Variants in PKP2 observed in about 807,000 individuals in gnomAD.
The protein encoded by PKP2 is plakophilin 2.
PKP2 carries 73 observed loss-of-function variants against 83.4 expected under a neutral mutation model. The ratio of observed to expected loss-of-function variants is 0.88; its 90% confidence interval spans 0.72 to 1.06. The LOEUF (loss-of-function observed/expected upper bound fraction) is 1.06. Among genes scored for constraint, PKP2 ranks in the 50% least tolerant of loss-of-function variants. The probability of loss-of-function intolerance (pLI) is 0.00; values close to 1 mark genes in which losing one functional copy is unlikely to be tolerated. For missense variants in PKP2, 966 were observed against 1,065.4 expected (o/e 0.91, Z 1.30); for synonymous variants, 409 against 430.4 (o/e 0.95, Z 0.62).
At chr12:32,792,581 GTCAAGTGGGCCATTATTACC>G (rs1956079572) in intron 12 of PKP2, 43 bp downstream of exon 12, 31 of 1,550,466 alleles carry the variant, frequency 2.0e-5, no homozygotes, top group Middle Eastern at 3.3e-4. Flanking sequence ...CCAGGGTCAA[GTCAAGTGGGCCATTATTACC>G]TGGCTCTGTT....
At chr12:32,811,784 T>C (rs1956279158) in intron 9 of PKP2, among the ~76,000 whole-genome samples, 1 of 152,236 alleles carries the variant, frequency 6.6e-6, no homozygotes, top group Admixed American at 6.5e-5. Context: ...TATACTCCTG[T>C]CCAGTTTCTC....
chr12:32,829,939 G>A (rs1956483066), intron 6 of PKP2, among the ~76,000 whole-genome samples: 1 of 152,144 alleles, frequency 6.6e-6, no homozygotes, highest in Non-Finnish European at 1.5e-5. Flanking sequence ...GGGATTACAG[G>A]CGTAAACCAC....
In PKP2 at chr12:32,791,822, A is replaced by T. The variant is rs1196117042; in HGVS notation, c.*602T>A. The T allele has an allele frequency of 1.3e-5, 2 of 156,938 alleles. No individual in the cohort carries two copies. The highest frequency in any genetic ancestry group is 1.2e-4 in the Admixed American group (2 of 16,438). 9.7% of individuals were successfully genotyped at this position (156,938 alleles called of 1,614,324 possible). ...ATTTCTTTTTCTTACAGTCATGCAT[A>T]CTCTGTAATCTAAATTTCTTAAGTT... On this transcript the variant is annotated 3_prime_UTR_variant, in exon 13 of 13. Transcript: ENST00000340811.
chr12:32,850,712 G>T, intron 5 of PKP2, 54 bp downstream of exon 5: 1 of 1,309,350 alleles, frequency 7.6e-7, no homozygotes, highest in Non-Finnish European at 1.1e-6. Flanking sequence ...ATGATGTAAG[G>T]CATCTGGCTG....
intron 4 of PKP2, among the ~76,000 whole-genome samples, chr12:32,863,589 C>G (rs1053265627): frequency 1.3e-5 from 2 of 152,234 alleles, no homozygotes; most frequent in African/African-American, 4.8e-5. Context: ...TGAAAGACTC[C>G]CTTGAAAGAC....
At chr12:32,874,960 G>A (rs563532461) in intron 3 of PKP2, among the ~76,000 whole-genome samples, 2 of 151,992 alleles carry the variant, frequency 1.3e-5, no homozygotes, top group African/African-American at 4.8e-5. Context: ...TTTTGCCCAA[G>A]CTGGTCTCAA....
At position 32,843,261 on chromosome 12, in the gene PKP2, G is replaced by A. The variant is rs749052785; in HGVS notation, c.1379-2056C>T. The A allele has an allele frequency of 3.2e-5, 40 of 1,266,038 alleles. 1 individual carries two copies. The highest frequency in any genetic ancestry group is 4.6e-5 in the East Asian group (1 of 21,522). 78.4% of individuals were successfully genotyped at this position (1,266,038 alleles called of 1,614,324 possible). A position where few individuals can be genotyped will look rare whatever the true frequency, so the allele number is the denominator to read the frequency against. On this transcript the variant is annotated intron_variant, in intron 5 of 12. Transcript: ENST00000340811. ...CTCCCAAAGTGCTGGGATTACAGGC[G>A]TGAGCCACCGCGCCCGGCCAGCCAT...
At chr12:32,805,999 T>A (rs892067447) in intron 9 of PKP2, among the ~76,000 whole-genome samples, 2 of 152,224 alleles carry the variant, frequency 1.3e-5, no homozygotes, top group Non-Finnish European at 2.9e-5. Flanking sequence ...GTTCTGTTTA[T>A]GTGATGAATC....
chr12:32,870,701 G>C (rs1433825314), intron 3 of PKP2, among the ~76,000 whole-genome samples: 2 of 152,228 alleles, frequency 1.3e-5, no homozygotes, highest in East Asian at 1.9e-4. Flanking sequence ...CAATGGCAAA[G>C]TCTTTGCCAG....
chr12:32,846,745 C>CAAAAAAAAAAAAAAAAAAAAAAAA lies in PKP2; in HGVS notation c.1378+4020_1378+4021insTTTTTTTTTTTTTTTTTTTTTTTT, dbSNP rs574053559. Among the ~76,000 whole-genome samples the CAAAAAAAAAAAAAAAAAAAAAAAA allele has an allele frequency of 3.0e-3, 223 of 74,782 alleles. 6 individuals are homozygous for CAAAAAAAAAAAAAAAAAAAAAAAA. Among genetic ancestry groups the CAAAAAAAAAAAAAAAAAAAAAAAA allele is most frequent in the African/African-American group, 4.5e-3 (80 of 17,692 alleles). 49.1% of individuals were successfully genotyped at this position (74,782 alleles called of 152,430 possible). On this transcript the variant is annotated intron_variant, in intron 5 of 12. Transcript: ENST00000340811. ...GGGTAACAAGAATGAAACTTCTTCT[C>CAAAAAAAAAAAAAAAAAAAAAAAA]AAAAAAAAAAAAAAAAAAGAAGAGA...
chr12:32,819,887 C>A (rs199849152), intron 9 of PKP2, among the ~76,000 whole-genome samples: 6 of 4,556 alleles, frequency 1.3e-3, no homozygotes, highest in Non-Finnish European at 4.2e-3. Flanking sequence ...CACACACAAC[C>A]CCCCCCCCCC....
chr12:32,876,923 A>G (rs1425248977), intron 3 of PKP2, among the ~76,000 whole-genome samples: 1 of 152,250 alleles, frequency 6.6e-6, no homozygotes, highest in Admixed American at 6.5e-5. Flanking sequence ...CATCATAAAA[A>G]ATATTTCCTG....
chr12:32,841,273 G>T, intron 5 of PKP2, 68 bp from the exon 6 acceptor site: 1 of 1,334,380 alleles, frequency 7.5e-7, no homozygotes, highest in Non-Finnish European at 1.1e-6. Context: ...GAAAAGTTCA[G>T]TCAAGGCCAT....
In PKP2 at chr12:32,878,047, T is replaced by C; in HGVS notation, c.833A>G (p.Gln278Arg). 1 of 1,614,000 alleles carries C rather than the reference T, an allele frequency of 6.2e-7. No individual in the cohort carries two copies. Among genetic ancestry groups the C allele is most frequent in the African/African-American group, 1.3e-5 (1 of 75,074 alleles). ...GGAAGCCCTGTTCTGAGTGACGGGC[T>C]GCAGGGGCACCAGCGGCCTGACCTG... ...VGQVRPLVPL[Q>R]PVTQNRASRS... Residue 278 changes from glutamine (Q) to arginine (R), a missense_variant, in exon 3 of 13, where the codon CAG becomes CGG. Gln to Arg is a conservative substitution (Grantham distance 43, BLOSUM62 1). Coordinates refer to ENST00000340811, the MANE Select transcript of PKP2 (RefSeq NM_001005242.3).
chr12:32,841,788 T>C lies in PKP2; in HGVS notation c.1379-583A>G, dbSNP rs150227068. On this transcript the variant is annotated intron_variant, in intron 5 of 12. Coordinates refer to ENST00000340811, the MANE Select transcript of PKP2 (RefSeq NM_001005242.3). ...TGATCAACATCACCAATTAATGTTA[T>C]TGACTGTTACCCAATGACAGAATCA... 7.0e-3 allele frequency among the ~76,000 whole-genome samples: 1,069 copies of C among 152,344 alleles called. 13 individuals carry two copies. The highest frequency in any genetic ancestry group is 0.047 in the South Asian group (229 of 4,832).
intron 11 of PKP2, 82 bp downstream of exon 11, chr12:32,796,027 C>A: frequency 8.4e-7 from 1 of 1,194,154 alleles, no homozygotes; most frequent in Admixed American, 1.7e-5. Context: ...TGGTCATGAC[C>A]GCACATTCAC....
rs775318947 is a variant in PKP2, at chr12:32,877,930, G to A, written c.950C>T (p.Ala317Val). 13 of 1,614,030 alleles carry A rather than the reference G, an allele frequency of 8.1e-6. No individual in the cohort carries two copies. Among genetic ancestry groups the A allele is most frequent in the Middle Eastern group, 1.6e-4 (1 of 6,084 alleles). ...GGCCGCCTGGCCGACAGTCAAGTGC[G>A]CTCTCCTCCCGCTGGAATCCACGGC... ...SVAVDSSGRR[A>V]HLTVGQAAAG... Residue 317 changes from alanine to valine, a missense_variant, in exon 3 of 13, where the codon GCG becomes GTG. Ala to Val is a moderately conservative substitution (Grantham distance 64). Coordinates refer to ENST00000340811, the MANE Select transcript of PKP2 (RefSeq NM_001005242.3).
At chr12:32,854,578 C>T (rs1363011695) in intron 4 of PKP2, among the ~76,000 whole-genome samples, 1 of 152,168 alleles carries the variant, frequency 6.6e-6, no homozygotes, top group Non-Finnish European at 1.5e-5. Flanking sequence ...TTCAGGGAAG[C>T]AGCTGGAACC....
intron 9 of PKP2, among the ~76,000 whole-genome samples, chr12:32,817,211 G>A (rs1236799251): frequency 6.6e-6 from 1 of 152,176 alleles, no homozygotes; most frequent in Non-Finnish European, 1.5e-5. Flanking sequence ...AAATGGTGCT[G>A]GGATAACTGG....
Sources: gnomAD v4.1 joint callset for allele counts (sites outside exome capture counted in the v4.1 genomes callset) on GRCh38, gnomAD v4.1.1 for gene constraint, MANE v1.5 for transcripts, NCBI Gene and HGNC (gene_info 2026-07-23, HGNC 2026-07-21) for gene names.